The following KCNAB2 variants were observed in gnomAD, a reference collection of about 807,000 sequenced individuals.
KCNAB2 encodes potassium voltage-gated channel subfamily A regulatory beta subunit 2.
In KCNAB2, 29 loss-of-function variants were observed where a neutral mutation model predicts 63.6. The ratio of observed to expected loss-of-function variants is 0.46; its 90% confidence interval spans 0.34 to 0.62. KCNAB2 has a LOEUF of 0.62. Ranked by LOEUF, KCNAB2 falls within the 20% of genes least tolerant of loss-of-function variation. The pLI, the probability that KCNAB2 is intolerant of heterozygous loss-of-function variation, is 0.01. For missense variants in KCNAB2, 359 were observed against 563.9 expected, an observed-to-expected ratio of 0.64 and a Z score of 3.68; for synonymous variants, 222 against 224.2, an observed-to-expected ratio of 0.99 and a Z score of 0.09.
At chr1:6,033,015 T>C (rs1460223833), upstream of KCNAB2, among the ~76,000 whole-genome samples, 1 of 152,250 alleles carries the variant, frequency 6.6e-6, no homozygotes, top group African/African-American at 2.4e-5. Flanking sequence ...GTAGGAGTTA[T>C]TTTTGGAATA....
At chr1:6,000,726 G>T (rs1262983287) in intron 1 of KCNAB2, among the ~76,000 whole-genome samples, 1 of 151,954 alleles carries the variant, frequency 6.6e-6, no homozygotes, top group South Asian at 2.1e-4. Context: ...CCTATAGGCC[G>T]TTGGAATCTG....
chr1:6,065,570 G>A (rs1309230182), intron 2 of KCNAB2, among the ~76,000 whole-genome samples: 1 of 152,000 alleles, frequency 6.6e-6, no homozygotes, highest in East Asian at 1.9e-4. Flanking sequence ...AGCCCCCCAG[G>A]CCATCACCTC....
At chr1:6,018,958 A>G (rs1432583443) in intron 1 of KCNAB2, 1 of 152,202 alleles carries the variant, frequency 6.6e-6, no homozygotes, top group Non-Finnish European at 1.5e-5. Flanking sequence ...TTTGTGTGTT[A>G]TGAAATGTTA....
intron 2 of KCNAB2, among the ~76,000 whole-genome samples, chr1:6,061,599 T>C (rs1000650020): frequency 1.3e-5 from 2 of 152,198 alleles, no homozygotes; most frequent in African/African-American, 4.8e-5. Flanking sequence ...TCCTGCCCAG[T>C]TGGGACAACC....
chr1:6,066,202 C>T (rs1662738509), intron 2 of KCNAB2, among the ~76,000 whole-genome samples: 1 of 152,224 alleles, frequency 6.6e-6, no homozygotes, highest in African/African-American at 2.4e-5. Flanking sequence ...TGGCCCGGAG[C>T]CTGGGACAGC....
At chr1:6,082,328 G>C in intron 5 of KCNAB2, 54 bp downstream of exon 5, 2 of 1,362,684 alleles carry the variant, frequency 1.5e-6, no homozygotes, top group Non-Finnish European at 2.1e-6. Context: ...GGCAGAGCCG[G>C]AGCTACAGGG....
In KCNAB2 at chr1:6,073,880, C is replaced by A; in HGVS notation, c.300+110C>A. The A allele has an allele frequency of 1.8e-6, 2 of 1,104,328 alleles. No individual in the cohort carries two copies. The highest frequency in any genetic ancestry group is 2.8e-6 in the Non-Finnish European group (2 of 726,116). The allele number at this position is 1,104,328 out of a possible 1,614,324, so 68.4% of individuals were successfully genotyped here. Reference sequence around the variant, plus strand: ...CACGTGCTCCCGGGAGCCAGCGCAGCAGCCTCCCTCCCTCTTTCTGTTTTG... The same window carrying A: ...CACGTGCTCCCGGGAGCCAGCGCAGAAGCCTCCCTCCCTCTTTCTGTTTTG... On this transcript the variant is annotated intron_variant, in intron 4 of 15. Coordinates refer to ENST00000378083, the MANE Select transcript of KCNAB2 (RefSeq NM_001199862.2). The surrounding 1 kb of genome is among the most constrained non-coding windows in gnomAD (Gnocchi z 5.7).
At chr1:6,080,030 C>T (rs1316019774) in intron 4 of KCNAB2, among the ~76,000 whole-genome samples, 3 of 152,292 alleles carry the variant, frequency 2.0e-5, no homozygotes, top group African/African-American at 7.2e-5. Context: ...TAGTGTGCCA[C>T]CCCTCCTGGA....
At chr1:6,056,259 G>T (rs1661815544) in intron 2 of KCNAB2, among the ~76,000 whole-genome samples, 1 of 152,110 alleles carries the variant, frequency 6.6e-6, no homozygotes, top group Admixed American at 6.5e-5. Context: ...TGGCCAGGCT[G>T]ATCTCAAACT....
In KCNAB2 at chr1:6,078,753, A is replaced by C. The variant is rs971654103; in HGVS notation, c.301-3442A>C. 1.3e-5 allele frequency among the ~76,000 whole-genome samples: 2 copies of C among 152,192 alleles called. No homozygotes were observed. The highest frequency in any genetic ancestry group is 2.4e-5 in the African/African-American group (1 of 41,448). On this transcript the variant is annotated intron_variant, in intron 4 of 15. Transcript: ENST00000378083. The surrounding 1 kb of genome is among the most constrained non-coding windows in gnomAD (Gnocchi z 4.2). ...GCTGCACTGGGAATGGCGAGTCATG[A>C]GGATGTCCCAGAGTTCAGCGTGTGC...
intron 1 of KCNAB2, among the ~76,000 whole-genome samples, chr1:5,999,678 T>C (rs1657126169): frequency 6.6e-6 from 1 of 152,092 alleles, no homozygotes; most frequent in Non-Finnish European, 1.5e-5. Flanking sequence ...GGGGTACTGA[T>C]GGCCCGAGTG....
rs1664827308 is a variant in KCNAB2 at position 6,087,752 on chromosome 1, G to A, written c.470+241G>A. 6.6e-6 allele frequency among the ~76,000 whole-genome samples: 1 copy of A among 152,206 alleles called. No individual in the cohort carries two copies. ...ATGCCTGGTGCCTGTCCCTGTTAAG[G>A]GACGTCAAATCCAGAAAAGAAGCTG... On this transcript the variant is annotated intron_variant, in intron 7 of 15. Coordinates refer to ENST00000378083, the MANE Select transcript of KCNAB2 (RefSeq NM_001199862.2). The surrounding 1 kb of genome is among the most constrained non-coding windows in gnomAD (Gnocchi z 6.4).
At chr1:6,097,182 T>C (rs929605973) in intron 14 of KCNAB2, 87 bp from the exon 15 acceptor site, 1 of 1,397,766 alleles carries the variant, frequency 7.2e-7, no homozygotes, top group Non-Finnish European at 9.6e-7. Context: ...AGATGCTGGG[T>C]CTCTCGGCCC....
At position 5,994,327 on chromosome 1, in the gene KCNAB2, C is replaced by T. The variant is rs1021125160; in HGVS notation, c.-53+1539C>T. 2.6e-5 allele frequency among the ~76,000 whole-genome samples: 4 copies of T among 152,242 alleles called. No homozygotes were observed. The East Asian group carries it at 5.8e-4, about 22-fold the overall frequency. ...ATCTGCCCACCTGATTCTCGCCTGG[C>T]GGCCGTGTCTGCTGCAGAGCCCTGT... is the stretch of plus-strand genomic sequence containing the variant. On this transcript the variant is annotated intron_variant, in intron 1 of 16. Coordinates refer to the KCNAB2 transcript ENST00000341524. The surrounding 1 kb of genome is among the most constrained non-coding windows in gnomAD (Gnocchi z 5.4).
intron 1 of KCNAB2, among the ~76,000 whole-genome samples, chr1:6,026,901 G>A (rs542834879): frequency 1.4e-4 from 21 of 152,324 alleles, no homozygotes; most frequent in Admixed American, 2.6e-4. Flanking sequence ...CTGGCCTGGG[G>A]ATTCCCATCT....
intron 1 of KCNAB2, among the ~76,000 whole-genome samples, chr1:6,047,348 T>C (rs1249876925): frequency 6.6e-6 from 1 of 152,140 alleles, no homozygotes; most frequent in East Asian, 1.9e-4. Context: ...AGAGCCCCAG[T>C]GTGAGGGAGT....
In KCNAB2 at chr1:6,051,767, C is replaced by G. The variant is rs1370818471; in HGVS notation, c.218+13C>G. 6.6e-7 allele frequency: 1 copy of G among 1,521,356 alleles called. No individual in the cohort carries two copies. Among genetic ancestry groups the G allele is most frequent in the East Asian group, 2.5e-5 (1 of 40,534 alleles). 94.2% of individuals were successfully genotyped at this position (1,521,356 alleles called of 1,614,324 possible). A position where few individuals can be genotyped will look rare whatever the true frequency, so the allele number is the denominator to read the frequency against. On this transcript the variant is annotated intron_variant, in intron 2 of 15. Transcript: ENST00000378083. ...GCATGAAGTATCGGTAAGGGCCGGG[C>G]AGGGGGGCGGTGGGGTGGGAAGTCT... is the stretch of plus-strand genomic sequence containing the variant.
chr1:6,073,863 CCCGGGA>C lies in KCNAB2; in HGVS notation c.300+94_300+99del. ...CCGCGTGGACCAGTGAGCACGTGCT[CCCGGGA>C]GCCAGCGCAGCAGCCTCCCTCCCTC... On this transcript the variant is annotated intron_variant, in intron 4 of 15. Transcript: ENST00000378083. The surrounding 1 kb of genome is among the most constrained non-coding windows in gnomAD (Gnocchi z 5.7). 1 of 1,317,732 alleles carries C rather than the reference CCCGGGA, an allele frequency of 7.6e-7. No homozygotes were observed. Among genetic ancestry groups the C allele is most frequent in the Admixed American group, 1.7e-5 (1 of 58,604 alleles). 81.6% of individuals were successfully genotyped at this position (1,317,732 alleles called of 1,614,324 possible).
At chr1:6,020,499 G>A (rs573985512) in intron 1 of KCNAB2, among the ~76,000 whole-genome samples, 4 of 152,066 alleles carry the variant, frequency 2.6e-5, no homozygotes, top group South Asian at 4.2e-4. Context: ...CACCAGGATC[G>A]CGTCCCTTTC....
Sources: allele counts gnomAD v4.1 joint callset (sites outside exome capture counted in the v4.1 genomes callset), GRCh38; gene constraint gnomAD v4.1.1; non-coding constraint Gnocchi (gnomAD v3.1); transcripts MANE v1.5; gene names NCBI Gene and HGNC (gene_info 2026-07-23, HGNC 2026-07-21).